The following MICAL2 variants were observed in gnomAD, a reference collection of about 807,000 sequenced individuals.
MICAL2 encodes the protein [F-actin]-monooxygenase MICAL2.
MICAL2 carries 77 observed loss-of-function variants against 127.3 expected under a neutral mutation model. That is an observed-to-expected ratio of 0.60 (90% CI 0.50 to 0.73). The LOEUF (loss-of-function observed/expected upper bound fraction) is 0.73, where lower values mean the gene tolerates loss of function less well. Among genes scored for constraint, MICAL2 ranks in the 30% least tolerant of loss-of-function variants. The probability of loss-of-function intolerance (pLI) is 0.00; values close to 1 mark genes in which losing one functional copy is unlikely to be tolerated. For missense variants in MICAL2, 1,351 were observed against 1,434.4 expected (o/e 0.94, Z 0.94); for synonymous variants, 570 against 551.1 (o/e 1.03, Z -0.48).
intron 10 of MICAL2, among the ~76,000 whole-genome samples, chr11:12,222,253 G>A (rs1856903237): frequency 6.6e-6 from 1 of 152,158 alleles, no homozygotes; most frequent in Non-Finnish European, 1.5e-5. Context: ...GCGGAGGCAG[G>A]CCCTGACAAT....
chr11:12,273,389 T>C (rs546178186), upstream of MICAL2, among the ~76,000 whole-genome samples: 1 of 152,238 alleles, frequency 6.6e-6, no homozygotes, highest in Non-Finnish European at 1.5e-5. Flanking sequence ...GCCATGTCAT[T>C]ATTATTATGT....
At chr11:12,143,802 CA>C (rs1852593409) in intron 2 of MICAL2, among the ~76,000 whole-genome samples, 1 of 152,056 alleles carries the variant, frequency 6.6e-6, no homozygotes, top group Admixed American at 6.5e-5. Context: ...TAAAGACCAA[CA>C]AAAAATATAG....
intron 3 of MICAL2, among the ~76,000 whole-genome samples, chr11:12,186,360 T>C (rs1021096378): frequency 2.0e-5 from 3 of 152,128 alleles, no homozygotes; most frequent in Non-Finnish European, 4.4e-5. Flanking sequence ...TCCATAAACT[T>C]GTGTAGAGGA....
intron 7 of MICAL2, 49 bp from the exon 8 acceptor site, chr11:12,216,170 G>A (rs2134223817): frequency 7.4e-7 from 1 of 1,358,094 alleles, no homozygotes; most frequent in East Asian, 2.3e-5. Flanking sequence ...CTGGCACACA[G>A]TTGGTGCCGA....
Position 12,259,875 on chromosome 11 carries a change from CACCCT to C in MICAL2, c.3313_3317del (p.Thr1105GlyfsTer47), listed in dbSNP as rs756851231. The C allele has an allele frequency of 6.2e-6, 10 of 1,611,848 alleles. No individual in the cohort carries two copies. Among genetic ancestry groups the C allele is most frequent in the Non-Finnish European group, 8.5e-6 (10 of 1,178,512 alleles). On this transcript the variant is annotated frameshift_variant, in exon 26 of 28. Coordinates refer to ENST00000683283, the MANE Select transcript of MICAL2 (RefSeq NM_001282663.2). LOFTEE classifies it high-confidence loss of function. Reference sequence around the variant, plus strand: ...GTTCTTGCGCAGTGGCCGCCATTGGCACCCTGGAAGGCAGCCCCCCAGGTATCTCC... The same window carrying C: ...GTTCTTGCGCAGTGGCCGCCATTGGCGGAAGGCAGCCCCCCAGGTATCTCC...
At chr11:12,306,888 T>C (rs1864117029) in intron 29 of MICAL2, among the ~76,000 whole-genome samples, 1 of 152,218 alleles carries the variant, frequency 6.6e-6, no homozygotes, top group African/African-American at 2.4e-5. Context: ...TGGGGTTTAG[T>C]TTTTGAATGC....
At chr11:12,212,036 G>T (rs970773943) in intron 6 of MICAL2, among the ~76,000 whole-genome samples, 3 of 152,158 alleles carry the variant, frequency 2.0e-5, no homozygotes, top group African/African-American at 7.2e-5. Flanking sequence ...CACGGGATGG[G>T]CCAGGAGCTC....
intron 29 of MICAL2, among the ~76,000 whole-genome samples, chr11:12,298,856 G>GTGT (rs1864015156): frequency 6.6e-6 from 1 of 152,044 alleles, no homozygotes; most frequent in Non-Finnish European, 1.5e-5. Context: ...TGGTCATGAT[G>GTGT]TGTTATTACT....
At chr11:12,153,942 G>T (rs541417783) in intron 2 of MICAL2, among the ~76,000 whole-genome samples, 102 of 152,346 alleles carry the variant, frequency 6.7e-4, no homozygotes, top group African/African-American at 2.3e-3. Context: ...TAAGATGTAC[G>T]TTACTTTGTC....
chr11:12,224,183 T>G (rs1857143037), intron 12 of MICAL2, among the ~76,000 whole-genome samples: 1 of 152,222 alleles, frequency 6.6e-6, no homozygotes, highest in African/African-American at 2.4e-5. Flanking sequence ...CAGTCCTTTC[T>G]GTCTTCCTGG....
chr11:12,205,069 G>A (rs980581256), intron 4 of MICAL2, among the ~76,000 whole-genome samples: 1 of 152,134 alleles, frequency 6.6e-6, no homozygotes, highest in African/African-American at 2.4e-5. Flanking sequence ...AAAAATATGA[G>A]CTTTAAAAAG....
chr11:12,306,749 G>A (rs4756826), intron 29 of MICAL2, among the ~76,000 whole-genome samples: 149,747 of 152,318 alleles, frequency 0.98, 73,647 homozygotes, highest in Middle Eastern at 1. Flanking sequence ...TTCACTTAGC[G>A]TAATGCTTTT....
At chr11:12,293,128 T>C (rs1863926218), downstream of MICAL2, among the ~76,000 whole-genome samples, 1 of 152,200 alleles carries the variant, frequency 6.6e-6, no homozygotes, top group Admixed American at 6.5e-5. Context: ...TGGAGGAACA[T>C]ACCTATGGGT....
chr11:12,276,359 A>G (rs541633463), intron 1 of MICAL2: 48 of 392,944 alleles, frequency 1.2e-4, no homozygotes, highest in Non-Finnish European at 2.0e-4. Flanking sequence ...CATATGTGTT[A>G]AGTGTATAGA....
intron 29 of MICAL2, among the ~76,000 whole-genome samples, chr11:12,318,878 T>G (rs1164508146): frequency 6.6e-6 from 1 of 152,218 alleles, no homozygotes; most frequent in Non-Finnish European, 1.5e-5. Flanking sequence ...GGCACTTTGC[T>G]GCCTCTAACC....
chr11:12,248,746 G>C (rs1411142762), intron 21 of MICAL2, among the ~76,000 whole-genome samples: 1 of 152,262 alleles, frequency 6.6e-6, no homozygotes, highest in African/African-American at 2.4e-5. Context: ...TCCCGCCTTT[G>C]TTTGACCTGG....
intron 3 of MICAL2, among the ~76,000 whole-genome samples, chr11:12,166,062 C>A (rs1461789707): frequency 6.6e-6 from 1 of 152,184 alleles, no homozygotes; most frequent in East Asian, 1.9e-4. Flanking sequence ...TTACACCCGA[C>A]TGAGTAGTGT....
chr11:12,289,560 TTTTTTG>T (rs1289557438), downstream of MICAL2, among the ~76,000 whole-genome samples: 34 of 104,228 alleles, frequency 3.3e-4, 1 homozygote, highest in African/African-American at 5.2e-4. Flanking sequence ...CCTCTTGTTT[TTTTTTG>T]TTTTTTTTTT....
At position 12,281,229 on chromosome 11, in the gene MICAL2, A is replaced by G. The variant is rs1863767369; in HGVS notation, c.254+130A>G. On this transcript the variant is annotated intron_variant, in intron 2 of 2. Transcript: ENST00000529028. ...CCTCAGGCTTCAAGGCGGTGGGGCT[A>G]GGACCTTTGGGGAGTGGGACGCAAG... 7 of 396,932 alleles carry G rather than the reference A, an allele frequency of 1.8e-5. No homozygotes were observed. In the Admixed American group the frequency reaches 2.2e-4, roughly 12 times the overall value. 24.6% of individuals were successfully genotyped at this position (396,932 alleles called of 1,614,324 possible). A position where few individuals can be genotyped will look rare whatever the true frequency, so the allele number is the denominator to read the frequency against.
Sources: allele counts gnomAD v4.1 joint callset (sites outside exome capture counted in the v4.1 genomes callset), GRCh38; gene constraint gnomAD v4.1.1; transcripts MANE v1.5; gene names NCBI Gene and HGNC (gene_info 2026-07-23, HGNC 2026-07-21).